Variants in PLXDC2 observed in about 807,000 individuals in gnomAD.
The protein encoded by PLXDC2 is plexin domain-containing protein 2.
A neutral mutation model predicts 68.9 loss-of-function variants in PLXDC2; 40 were observed. The observed-to-expected ratio is 0.58, with a 90% CI of 0.45 to 0.76. The LOEUF (loss-of-function observed/expected upper bound fraction) is 0.76, where lower values mean the gene tolerates loss of function less well. Among genes scored for constraint, PLXDC2 ranks in the 30% least tolerant of loss-of-function variants. PLXDC2 has a pLI of 0.00. For missense variants in PLXDC2, 644 were observed against 661.9 expected (o/e 0.97, Z 0.30); for synonymous variants, 243 against 234.2 (o/e 1.04, Z -0.34).
At position 20,010,614 on chromosome 10, in the gene PLXDC2, T is replaced by C. The variant is rs185839023; in HGVS notation, c.324+8628T>C. 2.0e-5 allele frequency among the ~76,000 whole-genome samples: 3 copies of C among 152,362 alleles called. No homozygotes were observed. In the East Asian group the frequency reaches 5.8e-4, roughly 29 times the overall value. ...TGCTTCACTGTTAGCTAATTGAGTT[T>C]ACTTATAGTTATGGCATGAAAATAG... On this transcript the variant is annotated intron_variant, in intron 2 of 13. Transcript: ENST00000377252.
chr10:20,177,440 A>C, intron 9 of PLXDC2, 31 bp downstream of exon 9: 2 of 1,102,648 alleles, frequency 1.8e-6, no homozygotes, highest in Non-Finnish European at 2.4e-6. Context: ...ATAATAATAA[A>C]ATTTAAAAAG....
At chr10:20,092,265 A>G (rs1482361318) in intron 4 of PLXDC2, among the ~76,000 whole-genome samples, 1 of 152,186 alleles carries the variant, frequency 6.6e-6, no homozygotes, top group African/African-American at 2.4e-5. Context: ...AACTTAAAAT[A>G]TATTTACTTT....
At chr10:19,871,484 C>A (rs1407000225) in intron 1 of PLXDC2, among the ~76,000 whole-genome samples, 1 of 152,166 alleles carries the variant, frequency 6.6e-6, no homozygotes, top group Non-Finnish European at 1.5e-5. Flanking sequence ...CAAATATAAT[C>A]TTATCAGTGA....
intron 1 of PLXDC2, among the ~76,000 whole-genome samples, chr10:19,962,623 G>A (rs369998518): frequency 6.8e-6 from 1 of 147,010 alleles, no homozygotes; most frequent in Admixed American, 6.7e-5. Context: ...ATCTCCTGAC[G>A]TCGTGATCCG....
chr10:20,109,003 T>C (rs1464450536), intron 4 of PLXDC2, among the ~76,000 whole-genome samples: 1 of 152,174 alleles, frequency 6.6e-6, no homozygotes, highest in Non-Finnish European at 1.5e-5. Context: ...TGAACATTTC[T>C]CCAAGGAGAA....
intron 1 of PLXDC2, among the ~76,000 whole-genome samples, chr10:19,948,386 CTTTCTTT>C (rs1268700357): frequency 3.1e-5 from 2 of 65,454 alleles, no homozygotes; most frequent in East Asian, 1.2e-3. Flanking sequence ...TTCTTTCTTT[CTTTCTTT>C]TTTTTTTTTT....
intron 1 of PLXDC2, among the ~76,000 whole-genome samples, chr10:19,834,588 C>G (rs950514882): frequency 2.0e-5 from 3 of 152,194 alleles, no homozygotes; most frequent in Non-Finnish European, 4.4e-5. Flanking sequence ...ACTTTTCAAG[C>G]TTCCCAAATT....
chr10:20,135,670 T>C (rs1564328488), intron 4 of PLXDC2, among the ~76,000 whole-genome samples: 1 of 152,320 alleles, frequency 6.6e-6, no homozygotes, highest in Admixed American at 6.5e-5. Context: ...CCTCTGTATA[T>C]GGTCAACACA....
chr10:20,118,569 T>C (rs1016375572), intron 4 of PLXDC2, among the ~76,000 whole-genome samples: 1 of 152,214 alleles, frequency 6.6e-6, no homozygotes, highest in Non-Finnish European at 1.5e-5. Flanking sequence ...ATCGTTTTTC[T>C]AAATCCATAG....
chr10:19,878,054 G>T (rs1174235118), intron 1 of PLXDC2, among the ~76,000 whole-genome samples: 1 of 152,144 alleles, frequency 6.6e-6, no homozygotes, highest in Non-Finnish European at 1.5e-5. Context: ...GAGCAAGAAA[G>T]AATTTGTCAA....
chr10:20,173,872 G>T (rs1274734074), intron 7 of PLXDC2, among the ~76,000 whole-genome samples: 3 of 152,152 alleles, frequency 2.0e-5, no homozygotes, highest in African/African-American at 7.2e-5. Flanking sequence ...TTTGGAAGTT[G>T]TCGTTAATTG....
chr10:20,175,067 A>G (rs745921786), intron 7 of PLXDC2, among the ~76,000 whole-genome samples: 5 of 152,130 alleles, frequency 3.3e-5, no homozygotes, highest in Non-Finnish European at 7.4e-5. Context: ...TTGTAGTGTG[A>G]TTTCAGTGAG....
intron 12 of PLXDC2, among the ~76,000 whole-genome samples, chr10:20,241,755 A>G (rs745988927): frequency 6.6e-6 from 1 of 152,180 alleles, no homozygotes; most frequent in African/African-American, 2.4e-5. Context: ...CTCCAGCCTG[A>G]GTGACAGCAA....
At chr10:20,016,555 A>G (rs965551290) in intron 2 of PLXDC2, among the ~76,000 whole-genome samples, 1 of 152,228 alleles carries the variant, frequency 6.6e-6, no homozygotes, top group Non-Finnish European at 1.5e-5. Context: ...AAAAGAATAC[A>G]CTGAAGAAAA....
chr10:20,052,423 ATAT>A (rs963809047), intron 3 of PLXDC2, among the ~76,000 whole-genome samples: 2 of 151,810 alleles, frequency 1.3e-5, no homozygotes, highest in African/African-American at 2.4e-5. Flanking sequence ...TATTAAGGTA[ATAT>A]TGTGACCAGG....
At chr10:20,082,029 G>C (rs1444249122) in intron 4 of PLXDC2, among the ~76,000 whole-genome samples, 2 of 94,372 alleles carry the variant, frequency 2.1e-5, no homozygotes, top group African/African-American at 8.5e-5. Flanking sequence ...TAAGTGACAA[G>C]AGTGAAACTC....
At chr10:20,016,753 C>T (rs1835219859) in intron 2 of PLXDC2, among the ~76,000 whole-genome samples, 1 of 152,172 alleles carries the variant, frequency 6.6e-6, no homozygotes, top group African/African-American at 2.4e-5. Context: ...TTTTCTTCTT[C>T]CTTCTTCTCC....
intron 1 of PLXDC2, among the ~76,000 whole-genome samples, chr10:19,996,244 C>T (rs1411348297): frequency 6.6e-6 from 1 of 152,034 alleles, no homozygotes; most frequent in Non-Finnish European, 1.5e-5. Context: ...AGTTTAAGAC[C>T]AGCCTGGGCA....
chr10:20,017,516 T>C (rs1001521703), intron 2 of PLXDC2, among the ~76,000 whole-genome samples: 4 of 152,206 alleles, frequency 2.6e-5, no homozygotes, highest in Non-Finnish European at 5.9e-5. Flanking sequence ...AGTTCTCACA[T>C]GAAGAAACCG....
Sources: gnomAD v4.1 joint callset for allele counts (sites outside exome capture counted in the v4.1 genomes callset) on GRCh38, gnomAD v4.1.1 for gene constraint, MANE v1.5 for transcripts, NCBI Gene and HGNC (gene_info 2026-07-23, HGNC 2026-07-21) for gene names.